The following PALD1 variants were observed in gnomAD, a reference collection of about 807,000 sequenced individuals.
PALD1 encodes paladin.
A neutral mutation model predicts 96.0 loss-of-function variants in PALD1; 57 were observed. The observed-to-expected ratio is 0.59, with a 90% CI of 0.48 to 0.74. PALD1 has a LOEUF of 0.74. PALD1 is among the 30% of genes least tolerant of loss of function. The pLI is 0.00. For synonymous variants in PALD1, 464 were observed against 473.6 expected (o/e 0.98, Z 0.26); for missense variants, 1,063 against 1,143.7 (o/e 0.93, Z 1.02).
chr10:70,549,707 G>A (rs1409191736), intron 18 of PALD1, among the ~76,000 whole-genome samples: 1 of 152,244 alleles, frequency 6.6e-6, no homozygotes, highest in Non-Finnish European at 1.5e-5. Context: ...GAGATGAGTT[G>A]GTATGGGTGA....
intron 1 of PALD1, among the ~76,000 whole-genome samples, chr10:70,501,813 C>CTGTGTGTGTGTG (rs71012209): frequency 0.11 from 15,990 of 139,116 alleles, 1,347 homozygotes; most frequent in East Asian, 0.41. Flanking sequence ...CATTTTTACT[C>CTGTGTGTGTGTG]TGTGTGTGTG....
At chr10:70,493,477 C>T (rs373835305) in intron 1 of PALD1, among the ~76,000 whole-genome samples, 28 of 152,306 alleles carry the variant, frequency 1.8e-4, no homozygotes, top group Admixed American at 1.2e-3. Context: ...TCTTTTGTGT[C>T]GCTTTCCACA....
chr10:70,468,720 G>C, the PALD1 span, among the ~76,000 whole-genome samples: 1 of 146,230 alleles, frequency 6.8e-6, no homozygotes, highest in Non-Finnish European at 1.5e-5. Flanking sequence ...GTGTGTGTGT[G>C]TGTGTGTGTG....
intron 19 of PALD1, 127 bp downstream of exon 19, chr10:70,564,646 C>T: frequency 1.2e-6 from 1 of 845,822 alleles, no homozygotes; most frequent in South Asian, 1.7e-5. Flanking sequence ...GCCCCCATCC[C>T]CCTTTCTGCA....
intron 1 of PALD1, chr10:70,486,156 G>C: frequency 5.0e-6 from 1 of 199,128 alleles, no homozygotes; most frequent in Non-Finnish European, 1.2e-5. Context: ...CAGGAGGCAG[G>C]TTCTCTTCAA....
chr10:70,505,518 C>T (rs1364340714), intron 1 of PALD1, among the ~76,000 whole-genome samples: 2 of 151,704 alleles, frequency 1.3e-5, no homozygotes, highest in Admixed American at 6.6e-5. Context: ...GCAGGAGAAT[C>T]GCTTCAACCC....
At chr10:70,473,964 A>G (rs1845792698), upstream of PALD1, among the ~76,000 whole-genome samples, 1 of 152,140 alleles carries the variant, frequency 6.6e-6, no homozygotes, top group Non-Finnish European at 1.5e-5. Context: ...GACTGACTAA[A>G]TAAATGAATG....
chr10:70,549,069 G>A (rs138254920), intron 18 of PALD1, among the ~76,000 whole-genome samples: 2 of 125,576 alleles, frequency 1.6e-5, no homozygotes, highest in Admixed American at 8.1e-5. Flanking sequence ...AAAAAAAAAA[G>A]GTCTGTTAAA....
At chr10:70,566,000 G>C (rs1847842000) in intron 19 of PALD1, among the ~76,000 whole-genome samples, 1 of 152,210 alleles carries the variant, frequency 6.6e-6, no homozygotes. Context: ...GATGAGTGGA[G>C]GGTAGCAGTG....
chr10:70,521,907 A>C (rs1425193571), intron 1 of PALD1, among the ~76,000 whole-genome samples: 1 of 152,024 alleles, frequency 6.6e-6, no homozygotes, highest in Admixed American at 6.6e-5. Flanking sequence ...TTTTAAATAC[A>C]TAAAATAGGT....
intron 1 of PALD1, among the ~76,000 whole-genome samples, chr10:70,492,305 G>T (rs984382008): frequency 6.6e-6 from 1 of 151,966 alleles, no homozygotes; most frequent in Non-Finnish European, 1.5e-5. Flanking sequence ...GTTTATCTGC[G>T]TATAACTCCG....
chr10:70,547,414 C>A lies in PALD1; in HGVS notation c.2230C>A (p.Leu744Met), dbSNP rs1462361582. ...SETMTPMHYHLREIIICTYRQ... is the reference protein window; with the variant it reads ...SETMTPMHYHMREIIICTYRQ... ...GACCATGACGCCCATGCACTACCAC[C>A]TGCGGGAGATCATCATCTGCACCTA... is the stretch of plus-strand genomic sequence containing the variant. Residue 744 changes from leucine to methionine, a missense_variant, in exon 18 of 20, where the codon CTG (leucine) becomes ATG (methionine). Physicochemically the swap from Leu to Met is conservative, Grantham distance 15. Coordinates refer to ENST00000263563, the MANE Select transcript of PALD1 (RefSeq NM_014431.3). 3 of 1,612,532 alleles carry A rather than the reference C, an allele frequency of 1.9e-6. No homozygotes were observed. Among genetic ancestry groups the A allele is most frequent in the Non-Finnish European group, 2.5e-6 (3 of 1,179,504 alleles).
At chr10:70,478,572 C>T (rs945409699), upstream of PALD1, among the ~76,000 whole-genome samples, 2 of 152,124 alleles carry the variant, frequency 1.3e-5, no homozygotes, top group African/African-American at 2.4e-5. Context: ...ACTTTTCCTC[C>T]TCGCGGAGGG....
chr10:70,497,692 G>A (rs778301797), intron 1 of PALD1, among the ~76,000 whole-genome samples: 3 of 151,116 alleles, frequency 2.0e-5, no homozygotes, highest in Non-Finnish European at 4.4e-5. Flanking sequence ...TCAGCCTCCC[G>A]AGTAGCTGGG....
chr10:70,527,293 C>T (rs185615304), intron 2 of PALD1, among the ~76,000 whole-genome samples: 62 of 152,272 alleles, frequency 4.1e-4, no homozygotes, highest in African/African-American at 1.2e-3. Flanking sequence ...GCTGACCAGC[C>T]GTAAAAATCC....
chr10:70,463,233 T>C, the PALD1 span, among the ~76,000 whole-genome samples: 2 of 152,048 alleles, frequency 1.3e-5, no homozygotes, highest in Non-Finnish European at 2.9e-5. Context: ...TGAAAACCCA[T>C]CTCTACTAAA....
chr10:70,494,766 AG>A (rs1846161684), intron 1 of PALD1, among the ~76,000 whole-genome samples: 1 of 152,228 alleles, frequency 6.6e-6, no homozygotes, highest in Admixed American at 6.5e-5. Context: ...TTCCTGTGGA[AG>A]GGGACTGGTC....
At chr10:70,495,886 G>C (rs535925256) in intron 1 of PALD1, among the ~76,000 whole-genome samples, 1 of 151,644 alleles carries the variant, frequency 6.6e-6, no homozygotes, top group African/African-American at 2.4e-5. Context: ...GTGTGTGCCT[G>C]TAGTTCCCCA....
chr10:70,505,900 A>G (rs1846379057), intron 1 of PALD1, among the ~76,000 whole-genome samples: 1 of 152,088 alleles, frequency 6.6e-6, no homozygotes, highest in Admixed American at 6.6e-5. Flanking sequence ...GCATACCTGT[A>G]GTCCCAGCTA....
Sources: gnomAD v4.1 joint callset for allele counts (sites outside exome capture counted in the v4.1 genomes callset) on GRCh38, gnomAD v4.1.1 for gene constraint, MANE v1.5 for transcripts, NCBI Gene and HGNC (gene_info 2026-07-23, HGNC 2026-07-21) for gene names.